Variants in SNTG2 observed in about 807,000 individuals in gnomAD.
The protein encoded by SNTG2 is syntrophin gamma 2.
Under a neutral mutation model 70.9 loss-of-function variants are expected in SNTG2, and 74 were observed. That is an observed-to-expected ratio of 1.04 (90% confidence interval 0.86 to 1.27). The LOEUF is 1.27. Ranked by LOEUF, SNTG2 falls within the 50% of genes most tolerant of loss-of-function variation. SNTG2 has a pLI of 0.00. For synonymous variants in SNTG2, 278 were observed against 273.8 expected (o/e 1.02, Z -0.15); for missense variants, 717 against 690.7 (o/e 1.04, Z -0.43).
In SNTG2 at chr2:1,154,976, C is replaced by T. The variant is rs187217329; in HGVS notation, c.412-10572C>T. 2.2e-5 allele frequency among the ~76,000 whole-genome samples: 3 copies of T among 133,790 alleles called. No individual in the cohort carries two copies. The East Asian group carries it at 6.3e-4, about 28-fold the overall frequency. 87.8% of individuals were successfully genotyped at this position (133,790 alleles called of 152,430 possible). A position where few individuals can be genotyped will look rare whatever the true frequency, so the allele number is the denominator to read the frequency against. Reference sequence around the variant, plus strand: ...TCACACCACACACAAAGACATATACCACATACACCACACATATACACACAC... The same window carrying T: ...TCACACCACACACAAAGACATATACTACATACACCACACATATACACACAC... On this transcript the variant is annotated intron_variant, in intron 6 of 16. Transcript: ENST00000308624.
chr2:1,217,546 A>G (rs1674475333), intron 9 of SNTG2, among the ~76,000 whole-genome samples: 1 of 152,226 alleles, frequency 6.6e-6, no homozygotes, highest in Non-Finnish European at 1.5e-5. Flanking sequence ...CAACAGGAAA[A>G]TAACCCCTGT....
At chr2:1,212,344 T>A (rs1674102766) in intron 9 of SNTG2, among the ~76,000 whole-genome samples, 1 of 152,164 alleles carries the variant, frequency 6.6e-6, no homozygotes, top group Non-Finnish European at 1.5e-5. Context: ...TGATTGGAAG[T>A]TTCCTGAGGC....
At chr2:1,024,511 A>T (rs1660368313) in intron 1 of SNTG2, among the ~76,000 whole-genome samples, 2 of 152,142 alleles carry the variant, frequency 1.3e-5, no homozygotes, top group African/African-American at 4.8e-5. Context: ...CTGGGACCAC[A>T]GGCTCACGCC....
At chr2:1,230,654 A>C (rs533352961) in intron 9 of SNTG2, among the ~76,000 whole-genome samples, 1 of 152,340 alleles carries the variant, frequency 6.6e-6, no homozygotes, top group South Asian at 2.1e-4. Flanking sequence ...CGCAGTGCCC[A>C]GATCCATGGG....
At chr2:972,584 C>T (rs56265802) in intron 1 of SNTG2, among the ~76,000 whole-genome samples, 11,874 of 152,152 alleles carry the variant, frequency 0.078, 692 homozygotes, top group South Asian at 0.2. Flanking sequence ...AATCTCATGT[C>T]GGATCATCAT....
Position 1,324,892 on chromosome 2 carries a change from C to T in SNTG2, c.1488+8517C>T, listed in dbSNP as rs577115185. ...GGAAGCCAAGCCAAGTATTGACCAT[C>T]AGACTGTGCTGGTAGTATCTGTATG... On this transcript the variant is annotated intron_variant, in intron 16 of 16. Transcript: ENST00000308624. 3.3e-5 allele frequency among the ~76,000 whole-genome samples: 5 copies of T among 152,322 alleles called. No individual in the cohort carries two copies. The South Asian group carries it at 1.0e-3, about 32-fold the overall frequency.
chr2:1,347,008 A>T (rs923086328), intron 16 of SNTG2, among the ~76,000 whole-genome samples: 5 of 150,360 alleles, frequency 3.3e-5, no homozygotes, highest in African/African-American at 7.3e-5. Context: ...CAGATTAATT[A>T]AAAAAAAAAT....
chr2:979,697 C>T (rs1174248719), intron 1 of SNTG2, among the ~76,000 whole-genome samples: 1 of 152,122 alleles, frequency 6.6e-6, no homozygotes, highest in African/African-American at 2.4e-5. Context: ...TTTCTCAAGA[C>T]CGGGAACAAA....
chr2:961,280 C>T (rs1572166485), intron 1 of SNTG2, among the ~76,000 whole-genome samples: 2 of 152,204 alleles, frequency 1.3e-5, no homozygotes, highest in Admixed American at 6.5e-5. Context: ...GATCTTGGCT[C>T]ACTGCAACCT....
chr2:1,329,211 T>G (rs1249811114), intron 16 of SNTG2, among the ~76,000 whole-genome samples: 1 of 152,174 alleles, frequency 6.6e-6, no homozygotes, highest in Non-Finnish European at 1.5e-5. Flanking sequence ...AAATGTTTCC[T>G]TTTTCTCTGA....
At chr2:1,217,781 C>T (rs1012482277) in intron 9 of SNTG2, among the ~76,000 whole-genome samples, 1 of 152,136 alleles carries the variant, frequency 6.6e-6, no homozygotes, top group African/African-American at 2.4e-5. Flanking sequence ...GATGGGGTGG[C>T]CATGGTGGTG....
At chr2:1,268,816 G>T (rs1403546269) in intron 14 of SNTG2, among the ~76,000 whole-genome samples, 1 of 152,186 alleles carries the variant, frequency 6.6e-6, no homozygotes, top group Non-Finnish European at 1.5e-5. Flanking sequence ...TGACCTTTCT[G>T]CTTGTTTTCT....
At chr2:1,028,362 C>G (rs1375186770) in intron 1 of SNTG2, among the ~76,000 whole-genome samples, 1 of 152,240 alleles carries the variant, frequency 6.6e-6, no homozygotes, top group Non-Finnish European at 1.5e-5. Context: ...GCTGCACATC[C>G]TACGCTTACT....
At chr2:1,109,235 C>A (rs913941613) in intron 4 of SNTG2, among the ~76,000 whole-genome samples, 1 of 151,988 alleles carries the variant, frequency 6.6e-6, no homozygotes, top group Non-Finnish European at 1.5e-5. Flanking sequence ...TCGGTGATCA[C>A]CCAGTTCATA....
chr2:1,080,197 A>C (rs1212127682), intron 1 of SNTG2, among the ~76,000 whole-genome samples: 1 of 152,124 alleles, frequency 6.6e-6, no homozygotes, highest in Non-Finnish European at 1.5e-5. Context: ...TCACTGGGGG[A>C]TCTGGAGAAA....
chr2:1,031,528 A>ATATATATATATATATTT, intron 1 of SNTG2, among the ~76,000 whole-genome samples: 2 of 59,124 alleles, frequency 3.4e-5, no homozygotes, highest in African/African-American at 1.7e-4. Flanking sequence ...ATATATATAT[A>ATATATATATATATATTT]TTTTTTTTTT....
At chr2:1,250,723 C>A (rs1202027736) in intron 12 of SNTG2, among the ~76,000 whole-genome samples, 1 of 152,032 alleles carries the variant, frequency 6.6e-6, no homozygotes, top group Non-Finnish European at 1.5e-5. Flanking sequence ...GTTGGTCTCT[C>A]CCTCTCTTTG....
At position 1,163,096 on chromosome 2, in the gene SNTG2, G is replaced by T. The variant is rs146798772; in HGVS notation, c.412-2452G>T. Among the ~76,000 whole-genome samples the T allele has an allele frequency of 7.8e-4, 118 of 152,234 alleles. 2 individuals are homozygous for T. Among genetic ancestry groups the T allele is most frequent in the African/African-American group, 2.7e-3 (112 of 41,548 alleles). On this transcript the variant is annotated intron_variant, in intron 6 of 16. Transcript: ENST00000308624. Reference sequence around the variant, plus strand: ...ATGTGAAGCCTCCCAACTGGAAGTGGGCTTTTGAGGGATCCCAACAGGAAG... The same window carrying T: ...ATGTGAAGCCTCCCAACTGGAAGTGTGCTTTTGAGGGATCCCAACAGGAAG...
chr2:1,203,568 TG>T (rs1394733546), intron 8 of SNTG2, among the ~76,000 whole-genome samples: 1 of 151,416 alleles, frequency 6.6e-6, no homozygotes, highest in Non-Finnish European at 1.5e-5. Context: ...GCACGAGAAT[TG>T]TTTGAACCCA....
Sources: allele counts gnomAD v4.1 joint callset (sites outside exome capture counted in the v4.1 genomes callset), GRCh38; gene constraint gnomAD v4.1.1; transcripts MANE v1.5; gene names NCBI Gene and HGNC (gene_info 2026-07-23, HGNC 2026-07-21).